Variants in APPL1 observed in about 807,000 individuals in gnomAD.
APPL1 encodes the protein DCC-interacting protein 13-alpha.
Under a neutral mutation model 106.8 loss-of-function variants are expected in APPL1, and 42 were observed. That is an observed-to-expected ratio of 0.39 (90% CI 0.31 to 0.51). APPL1 has a LOEUF of 0.51. Ranked by LOEUF, APPL1 falls within the 20% of genes least tolerant of loss-of-function variation. The pLI is 0.75. For synonymous variants in APPL1, 263 were observed against 281.8 expected, an observed-to-expected ratio of 0.93 and a Z score of 0.67; for missense variants, 769 against 858.2, an observed-to-expected ratio of 0.90 and a Z score of 1.30.
chr3:57,256,821 A>G, intron 13 of APPL1, 136 bp from the exon 14 acceptor site: 1 of 660,130 alleles, frequency 1.5e-6, no homozygotes, highest in South Asian at 2.0e-5. Context: ...AGACGAGGGA[A>G]TATAGTACTA....
In APPL1 at chr3:57,260,145, A is replaced by G. The variant is rs767215813; in HGVS notation, c.1687A>G (p.Arg563Gly). 6.2e-7 allele frequency: 1 copy of G among 1,605,332 alleles called. No individual in the cohort carries two copies. Among genetic ancestry groups the G allele is most frequent in the Non-Finnish European group, 8.5e-7 (1 of 1,178,416 alleles). ...KLIDPQTQVT[R>G]LTFPLPCVVL... is the part of the protein sequence containing the mutation. ...AATTGATCCACAGACACAAGTTACA[A>G]GGCTCACGGTGAGTTCCACATGATT... Residue 563 changes from arginine to glycine, a missense_variant, in exon 18 of 22, where the codon AGG (arginine) becomes GGG (glycine). Transcript: ENST00000288266.
At chr3:57,266,390 C>G (rs2060894536) in intron 19 of APPL1, among the ~76,000 whole-genome samples, 2 of 152,158 alleles carry the variant, frequency 1.3e-5, no homozygotes, top group South Asian at 4.2e-4. Context: ...TTGGACTGTT[C>G]AGGTTTTGGA....
At chr3:57,240,762 A>G (rs2060741568) in intron 5 of APPL1, among the ~76,000 whole-genome samples, 2 of 152,242 alleles carry the variant, frequency 1.3e-5, no homozygotes, top group South Asian at 4.1e-4. Flanking sequence ...CTTTTGAGAA[A>G]TTCTAGAGAA....
chr3:57,255,062 T>G (rs941665945), intron 13 of APPL1, among the ~76,000 whole-genome samples: 1 of 152,262 alleles, frequency 6.6e-6, no homozygotes, highest in Admixed American at 6.5e-5. Flanking sequence ...AATTATATTT[T>G]GTGTGGCAAG....
At chr3:57,237,460 G>C (rs1559507398) in intron 2 of APPL1, 32 bp from the exon 3 acceptor site, 5 of 1,547,100 alleles carry the variant, frequency 3.2e-6, no homozygotes, top group Non-Finnish European at 4.4e-6. Context: ...TTTTTTCCCA[G>C]TAATATGCTA....
At chr3:57,250,691 A>G (rs932801025) in intron 11 of APPL1, among the ~76,000 whole-genome samples, 6 of 152,044 alleles carry the variant, frequency 3.9e-5, no homozygotes, top group Non-Finnish European at 7.4e-5. Context: ...TCTATAATCT[A>G]TTTAAGGACA....
At chr3:57,236,044 CTTT>C (rs34912084) in intron 2 of APPL1, among the ~76,000 whole-genome samples, 7 of 131,328 alleles carry the variant, frequency 5.3e-5, no homozygotes, top group African/African-American at 2.8e-5. Context: ...CCCACCCCCA[CTTT>C]TTTTTTTTTT....
Position 57,228,728 on chromosome 3 carries a change from A to AT in APPL1, c.54+797dup, listed in dbSNP as rs1163448467. ...AGTACTGCAGAATGAAAGCAGCTAT[A>AT]TTTTTTAAAATGTTGGCAGGGGCTG... On this transcript the variant is annotated intron_variant, in intron 1 of 21. Transcript: ENST00000288266. The surrounding 1 kb of genome is among the most constrained non-coding windows in gnomAD (Gnocchi z 4.6). Among the ~76,000 whole-genome samples the AT allele has an allele frequency of 1.3e-5, 2 of 152,354 alleles. No individual in the cohort carries two copies. The highest frequency in any genetic ancestry group is 2.9e-5 in the Non-Finnish European group (2 of 68,036).
At chr3:57,263,765 G>GTT (rs377176956) in intron 19 of APPL1, among the ~76,000 whole-genome samples, 1 of 139,038 alleles carries the variant, frequency 7.2e-6, no homozygotes, top group Non-Finnish European at 1.6e-5. Flanking sequence ...TTCATCTGTT[G>GTT]TTTTTTTTTT....
Position 57,228,817 on chromosome 3 carries a change from C to T in APPL1, c.54+880C>T, listed in dbSNP as rs542137007. Among the ~76,000 whole-genome samples, 23 of 152,318 alleles carry T rather than the reference C, an allele frequency of 1.5e-4. No homozygotes were observed. The highest frequency in any genetic ancestry group is 3.4e-3 in the Middle Eastern group (1 of 294). ...ACACGATAATTTAAACGGTTTAAGA[C>T]GGTGTTGCTGGTTGGACACTATTTA... On this transcript the variant is annotated intron_variant, in intron 1 of 21. Transcript: ENST00000288266. The surrounding 1 kb of genome is among the most constrained non-coding windows in gnomAD (Gnocchi z 4.6).
chr3:57,268,314 G>C, intron 20 of APPL1, 84 bp from the exon 21 acceptor site: 1 of 1,318,202 alleles, frequency 7.6e-7, no homozygotes. Flanking sequence ...ATATTGAAAG[G>C]TTACCATGTG....
In APPL1 at chr3:57,227,844, C is replaced by T. The variant is rs774690109; in HGVS notation, c.-40C>T. ...GCGGGCCGGCGCGGGGAGCTGTGGG[C>T]GGCAGCTGCGTCTCCTGCCACCGCC... On this transcript the variant is annotated 5_prime_UTR_variant, in exon 1 of 22. Transcript: ENST00000288266. 42 of 1,439,660 alleles carry T rather than the reference C, an allele frequency of 2.9e-5. No individual in the cohort carries two copies. The highest frequency in any genetic ancestry group is 3.7e-5 in the Non-Finnish European group (40 of 1,091,118). The allele number at this position is 1,439,660 out of a possible 1,614,324, so 89.2% of individuals were successfully genotyped here. A position where few individuals can be genotyped will look rare whatever the true frequency, so the allele number is the denominator to read the frequency against.
At chr3:57,258,412 G>A (rs186753362) in intron 15 of APPL1, among the ~76,000 whole-genome samples, 4 of 152,142 alleles carry the variant, frequency 2.6e-5, no homozygotes, top group East Asian at 1.9e-4. Context: ...CTCCTGCCTC[G>A]GCCTCCCAAA....
intron 19 of APPL1, among the ~76,000 whole-genome samples, chr3:57,262,572 G>C (rs149116001): frequency 0.024 from 3,617 of 150,618 alleles, 70 homozygotes; most frequent in South Asian, 0.036. Flanking sequence ...TTTTAGTAGA[G>C]ACAGGATTTC....
rs545782923 is a variant in APPL1 at position 57,247,186 on chromosome 3, A to G, written c.622-209A>G. 8.5e-5 allele frequency among the ~76,000 whole-genome samples: 13 copies of G among 152,316 alleles called. 1 individual carries two copies. The South Asian group carries it at 2.7e-3, about 32-fold the overall frequency. On this transcript the variant is annotated intron_variant, in intron 8 of 21. Transcript: ENST00000288266. ...TACTTGTTCCAATTCAAAAAATATA[A>G]AAGGATATGCAGTGGAATTTAAGTC... is the stretch of plus-strand genomic sequence containing the variant.
intron 1 of APPL1, among the ~76,000 whole-genome samples, chr3:57,235,027 C>T (rs2060709036): frequency 6.6e-6 from 1 of 152,008 alleles, no homozygotes; most frequent in African/African-American, 2.4e-5. Flanking sequence ...ACAATATAGA[C>T]ATGTATAAAG....
intron 1 of APPL1, among the ~76,000 whole-genome samples, chr3:57,232,943 A>G (rs1004560766): frequency 1.3e-5 from 2 of 152,184 alleles, no homozygotes; most frequent in African/African-American, 4.8e-5. Flanking sequence ...CGGAGCGTGC[A>G]GTGAGCCAGG....
chr3:57,269,677 C>T lies in APPL1; in HGVS notation c.2120C>T (p.Ser707Leu), dbSNP rs963292726. ...GGAGAAGGAGGAAAGAAGAGAGAAT[C>T]AGAAGCATAAGCTTATACTTTTGGT... ...DLGEGGKKRE[S>L]EA Residue 707 changes from serine (S) to leucine (L), a missense_variant, in exon 22 of 22, where the codon TCA becomes TTA. Physicochemically the swap from Ser to Leu is moderately radical, Grantham distance 145. Transcript: ENST00000288266. The T allele has an allele frequency of 9.3e-6, 15 of 1,613,886 alleles. No homozygotes were observed. Among genetic ancestry groups the T allele is most frequent in the Non-Finnish European group, 1.2e-5 (14 of 1,179,892 alleles).
At chr3:57,229,678 A>G (rs532309856) in intron 1 of APPL1, among the ~76,000 whole-genome samples, 17 of 146,606 alleles carry the variant, frequency 1.2e-4, no homozygotes, top group Middle Eastern at 3.6e-3. Context: ...CTGGGAATAC[A>G]GGCGTGTGCC....
Sources: gnomAD v4.1 joint callset for allele counts (sites outside exome capture counted in the v4.1 genomes callset) on GRCh38, gnomAD v4.1.1 for gene constraint, Gnocchi (gnomAD v3.1) non-coding constraint, MANE v1.5 for transcripts, NCBI Gene and HGNC (gene_info 2026-07-23, HGNC 2026-07-21) for gene names.